The following DSCAML1 variants were observed in gnomAD, a reference collection of about 807,000 sequenced individuals.
DSCAML1 encodes DS cell adhesion molecule like 1.
Under a neutral mutation model 200.5 loss-of-function variants are expected in DSCAML1, and 38 were observed. That is an observed-to-expected ratio of 0.19 (90% CI 0.15 to 0.25). DSCAML1 has a LOEUF of 0.25. DSCAML1 is among the 10% of genes least tolerant of loss of function. The pLI is 1.00. For synonymous variants in DSCAML1, 1,215 were observed against 1,165.0 expected (o/e 1.04, Z -0.87); for missense variants, 2,223 against 2,858.8 (o/e 0.78, Z 5.07).
intron 17 of DSCAML1, among the ~76,000 whole-genome samples, chr11:117,464,328 T>C (rs1157992603): frequency 6.6e-6 from 1 of 152,138 alleles, no homozygotes; most frequent in East Asian, 1.9e-4. Flanking sequence ...CGGGCTCAGG[T>C]ACCAGCTGGC....
At chr11:117,544,104 A>G (rs2050324911) in intron 3 of DSCAML1, among the ~76,000 whole-genome samples, 1 of 152,158 alleles carries the variant, frequency 6.6e-6, no homozygotes, top group African/African-American at 2.4e-5. Context: ...CAGGGTCAGA[A>G]AAAAATCGTT....
intron 3 of DSCAML1, among the ~76,000 whole-genome samples, chr11:117,618,569 C>T (rs2051860012): frequency 6.6e-6 from 1 of 152,122 alleles, no homozygotes; most frequent in Admixed American, 6.5e-5. Flanking sequence ...GAAACCCATC[C>T]ATCAGAATAG....
intron 4 of DSCAML1, among the ~76,000 whole-genome samples, chr11:117,529,397 C>A (rs1418014662): frequency 6.6e-6 from 1 of 152,152 alleles, no homozygotes. Context: ...AGGAGATATT[C>A]TGTTTCATTC....
intron 5 of DSCAML1, among the ~76,000 whole-genome samples, chr11:117,524,189 C>T (rs2049932146): frequency 1.3e-5 from 2 of 152,342 alleles, no homozygotes. Flanking sequence ...CTCTCCACAC[C>T]AGCTCCTTGG....
At chr11:117,603,810 G>T (rs1345148701) in intron 3 of DSCAML1, among the ~76,000 whole-genome samples, 2 of 152,206 alleles carry the variant, frequency 1.3e-5, no homozygotes, top group Non-Finnish European at 2.9e-5. Context: ...TTTCCTGAAT[G>T]ATCTTGAAGA....
intron 3 of DSCAML1, among the ~76,000 whole-genome samples, chr11:117,535,576 G>T (rs2050153803): frequency 6.6e-6 from 1 of 152,192 alleles, no homozygotes; most frequent in Non-Finnish European, 1.5e-5. Flanking sequence ...GAAGCACGGA[G>T]AAAGCCAGCT....
At chr11:117,772,924 G>A (rs532953363) in intron 3 of DSCAML1, among the ~76,000 whole-genome samples, 3 of 152,270 alleles carry the variant, frequency 2.0e-5, no homozygotes, top group Admixed American at 6.5e-5. Context: ...TTTAAACAGC[G>A]GATGGAAAGA....
chr11:117,794,390 G>T (rs868105447), intron 1 of DSCAML1, among the ~76,000 whole-genome samples: 5 of 152,202 alleles, frequency 3.3e-5, no homozygotes, highest in East Asian at 1.9e-4. Flanking sequence ...GATAACCGAT[G>T]ATTAAAACAC....
upstream of DSCAML1, among the ~76,000 whole-genome samples, chr11:117,800,073 C>A (rs1276151168): frequency 6.6e-6 from 1 of 152,220 alleles, no homozygotes; most frequent in East Asian, 1.9e-4. Context: ...AAAGAAGGAC[C>A]TGAAAAACAG....
intron 11 of DSCAML1, among the ~76,000 whole-genome samples, chr11:117,491,261 T>G (rs1323792733): frequency 1.3e-5 from 2 of 152,236 alleles, no homozygotes; most frequent in East Asian, 3.8e-4. Flanking sequence ...TCACAGTCTG[T>G]TATACTGAGA....
intron 3 of DSCAML1, among the ~76,000 whole-genome samples, chr11:117,755,579 T>C (rs1343377765): frequency 1.3e-5 from 2 of 152,244 alleles, no homozygotes; most frequent in Non-Finnish European, 1.5e-5. Context: ...AGGAATTCTA[T>C]GCAGACAACA....
chr11:117,811,371 C>T (rs111260170), intron 1 of DSCAML1, among the ~76,000 whole-genome samples: 192 of 152,312 alleles, frequency 1.3e-3, no homozygotes, highest in African/African-American at 3.4e-3. Context: ...ATCTGGCCCT[C>T]AAACCCCACA....
At chr11:117,481,929 T>A (rs1377683141) in intron 12 of DSCAML1, 34 bp downstream of exon 12, 1 of 1,611,482 alleles carries the variant, frequency 6.2e-7, no homozygotes, top group South Asian at 1.1e-5. Flanking sequence ...CTCTGAGAGT[T>A]GGGGTCCCCC....
At chr11:117,776,762 G>A (rs2055135105) in intron 3 of DSCAML1, 29 bp downstream of exon 3, 2 of 1,613,624 alleles carry the variant, frequency 1.2e-6, no homozygotes, top group South Asian at 1.1e-5. Flanking sequence ...GAGCACCTCT[G>A]TCTGCCGCAG....
chr11:117,430,677 CA>C (rs1229662864), intron 32 of DSCAML1, 44 bp downstream of exon 32: 2 of 1,562,026 alleles, frequency 1.3e-6, no homozygotes, highest in African/African-American at 1.4e-5. Flanking sequence ...GGGCTGGGGC[CA>C]GGGGGCGGGG....
In DSCAML1 at chr11:117,458,761, C is replaced by G. The variant is rs1420569941; in HGVS notation, c.3561G>C (p.Lys1187Asn). 25 of 1,613,172 alleles carry G rather than the reference C, an allele frequency of 1.5e-5. No individual in the cohort carries two copies. The highest frequency in any genetic ancestry group is 2.1e-5 in the Non-Finnish European group (25 of 1,179,952). The change falls in exon 19 of 33, where the codon AAG becomes AAC. Residue 1187 changes from lysine to asparagine, a missense_variant. Lys to Asn is a moderately conservative substitution (Grantham distance 94). Coordinates refer to ENST00000651296, the MANE Select transcript of DSCAML1 (RefSeq NM_020693.4). ...VRSSVLYIQT[K>N]EDVPGPPAGI... is the part of the protein sequence containing the mutation. ...GGAGAGGCCTGGACTCACCGTCCTCCTTGGTCTGGATGTAGAGCACACTGC... is the reference window on the plus strand; with the variant it reads ...GGAGAGGCCTGGACTCACCGTCCTCGTTGGTCTGGATGTAGAGCACACTGC...
At position 117,544,390 on chromosome 11, in the gene DSCAML1, C is replaced by T. The variant is rs190996009; in HGVS notation, c.512-11868G>A. ...CACAATCAGGGCTGTCCTTTCCTCC[C>T]AAGCTATTTGTGCTGTGGGGCAGGG... On this transcript the variant is annotated intron_variant, in intron 3 of 32. Transcript: ENST00000651296. Among the ~76,000 whole-genome samples the T allele has an allele frequency of 2.2e-3, 334 of 152,300 alleles. 2 individuals are homozygous for T. Among genetic ancestry groups the T allele is most frequent in the Middle Eastern group, 6.8e-3 (2 of 294 alleles).
At chr11:117,726,711 G>A (rs1262949135) in intron 3 of DSCAML1, among the ~76,000 whole-genome samples, 3 of 152,148 alleles carry the variant, frequency 2.0e-5, no homozygotes, top group African/African-American at 7.2e-5. Context: ...TTTGAGGGTG[G>A]GAAAGGACCC....
intron 17 of DSCAML1, among the ~76,000 whole-genome samples, chr11:117,464,610 C>T (rs1224003164): frequency 3.9e-5 from 6 of 151,984 alleles, no homozygotes; most frequent in East Asian, 3.9e-4. Context: ...GAGGGGTTAG[C>T]GTGCCAGGAA....
Sources: gnomAD v4.1 joint callset for allele counts (sites outside exome capture counted in the v4.1 genomes callset) on GRCh38, gnomAD v4.1.1 for gene constraint, MANE v1.5 for transcripts, NCBI Gene and HGNC (gene_info 2026-07-23, HGNC 2026-07-21) for gene names.